Variants in ZFX observed in about 807,000 individuals in gnomAD.
ZFX encodes zinc finger X-chromosomal protein.
For synonymous variants in ZFX, 196 were observed against 226.8 expected (o/e 0.86, Z 1.22); for missense variants, 362 against 628.3 (o/e 0.58, Z 4.53).
chrX:24,197,970 C>T (rs1937031137), intron 5 of ZFX, among the ~76,000 whole-genome samples: 1 of 111,594 alleles, frequency 9.0e-6, no homozygotes, highest in African/African-American at 3.3e-5. Context: ...GGTATTGAAT[C>T]TAGCAGATGA....
At chrX:24,183,270 C>T (rs979809541) in intron 5 of ZFX, among the ~76,000 whole-genome samples, 1 of 111,771 alleles carries the variant, frequency 8.9e-6, no homozygotes, top group African/African-American at 3.3e-5. Context: ...CTGCAACCTC[C>T]GCCTCCCGGG....
rs66467960 is a variant in ZFX at position 24,163,364 on chromosome X, G to GTTTTTTTTTTTTTTTTTTTTTT, written c.-28-9341_-28-9320dup. Among the ~76,000 whole-genome samples, 5 of 19,049 alleles carry GTTTTTTTTTTTTTTTTTTTTTT rather than the reference G, an allele frequency of 2.6e-4. 1 individual carries two copies. Among genetic ancestry groups the GTTTTTTTTTTTTTTTTTTTTTT allele is most frequent in the East Asian group, 1.8e-3 (1 of 542 alleles). The allele number at this position is 19,049 out of a possible 115,157, so 16.5% of individuals were successfully genotyped here. ...AATTTGGTTAAATTATTTTTGTTAG[G>GTTTTTTTTTTTTTTTTTTTTTT]TTTTTTTTTTTTTTTTTTTTTTTTT... On this transcript the variant is annotated intron_variant, in intron 3 of 9. Coordinates refer to ENST00000304543, the MANE Select transcript of ZFX (RefSeq NM_003410.4).
At chrX:24,183,224 G>T (rs1373710650) in intron 5 of ZFX, among the ~76,000 whole-genome samples, 2 of 111,793 alleles carry the variant, frequency 1.8e-5, no homozygotes, top group African/African-American at 3.3e-5. Context: ...TCACTCTGTT[G>T]CCCAGGCTGG....
intron 3 of ZFX, among the ~76,000 whole-genome samples, chrX:24,163,832 AAAAAAAAG>A (rs1320805250): frequency 1.9e-4 from 10 of 53,308 alleles, no homozygotes; most frequent in South Asian, 2.4e-3. Flanking sequence ...CCCCTCTTTT[AAAAAAAAG>A]AAAAAAAAAA....
At chrX:24,163,612 A>T (rs1389007856) in intron 3 of ZFX, among the ~76,000 whole-genome samples, 1 of 106,363 alleles carries the variant, frequency 9.4e-6, no homozygotes, top group Admixed American at 1.0e-4. Context: ...TCCTGACCTC[A>T]GGTGATCCAC....
intron 5 of ZFX, among the ~76,000 whole-genome samples, chrX:24,193,254 C>CA (rs913671318): frequency 8.9e-6 from 1 of 112,206 alleles, no homozygotes; most frequent in Non-Finnish European, 1.9e-5. Context: ...ATCATTCAGT[C>CA]ATAAAAAGGA....
chrX:24,162,735 A>C (rs1165844048), intron 3 of ZFX, among the ~76,000 whole-genome samples: 1 of 111,727 alleles, frequency 9.0e-6, no homozygotes, highest in Non-Finnish European at 1.9e-5. Context: ...TACCCTTTAA[A>C]ATGTACATTT....
intron 5 of ZFX, among the ~76,000 whole-genome samples, chrX:24,199,452 C>T (rs749356142): frequency 6.4e-4 from 70 of 109,722 alleles, no homozygotes; most frequent in South Asian, 6.0e-3. Flanking sequence ...ATAAGGGTCT[C>T]GCTGTGTTGC....
rs146275695 is a variant in ZFX, at chrX:24,165,713, C to A, written c.-28-7002C>A. Among the ~76,000 whole-genome samples, 1,067 of 112,449 alleles carry A rather than the reference C, an allele frequency of 9.5e-3. 16 individuals carry two copies. The highest frequency in any genetic ancestry group is 0.032 in the African/African-American group (984 of 30,949). On this transcript the variant is annotated intron_variant, in intron 3 of 9. Transcript: ENST00000304543. ...ATGTAGTCTAAATCTCCACTTGATA[C>A]CATGTCAGAATCCTGTCTTCATCCT...
intron 5 of ZFX, among the ~76,000 whole-genome samples, chrX:24,201,721 A>C (rs940301935): frequency 8.9e-6 from 1 of 112,581 alleles, no homozygotes; most frequent in African/African-American, 3.2e-5. Context: ...GTATATCATA[A>C]AAATAGCTTT....
chrX:24,186,646 AAAC>A (rs1225398481), intron 5 of ZFX, among the ~76,000 whole-genome samples: 1 of 110,952 alleles, frequency 9.0e-6, no homozygotes, highest in African/African-American at 3.3e-5. Context: ...AAAAACCAAA[AAAC>A]CACACAAAAC....
chrX:24,191,724 A>T (rs1271983479), intron 5 of ZFX, among the ~76,000 whole-genome samples: 3 of 106,496 alleles, frequency 2.8e-5, no homozygotes, highest in Admixed American at 2.0e-4. Context: ...TCCGAGATGG[A>T]GTCTTGTTCT....
chrX:24,206,500 CGTGTGTGTGTGTGTGTGTGTGT>C (rs774457469), intron 5 of ZFX, among the ~76,000 whole-genome samples: 5 of 59,607 alleles, frequency 8.4e-5, no homozygotes, highest in Non-Finnish European at 9.0e-5. Flanking sequence ...CCATGCCTGG[CGTGTGTGTGTGTGTGTGTGTGT>C]GTGTGTGTGT....
chrX:24,168,807 A>AACT (rs755688619), intron 3 of ZFX, among the ~76,000 whole-genome samples: 9 of 109,318 alleles, frequency 8.2e-5, no homozygotes, highest in Admixed American at 2.0e-4. Flanking sequence ...AGGTGTTAGT[A>AACT]GAGTCCCAGA....
chrX:24,209,733 G>T (rs5990037), intron 9 of ZFX, among the ~76,000 whole-genome samples: 8,545 of 110,122 alleles, frequency 0.078, 288 homozygotes, highest in Middle Eastern at 0.14. Context: ...GTGCCACTGT[G>T]CCCCACTAAT....
At chrX:24,200,470 G>A (rs762715498) in intron 5 of ZFX, among the ~76,000 whole-genome samples, 14 of 112,019 alleles carry the variant, frequency 1.2e-4, no homozygotes, top group Admixed American at 1.9e-4. Flanking sequence ...TAGGGAAAGG[G>A]AATTGAGATC....
At chrX:24,189,247 ACTT>A (rs1936372087) in intron 5 of ZFX, among the ~76,000 whole-genome samples, 1 of 111,189 alleles carries the variant, frequency 9.0e-6, no homozygotes, top group Admixed American at 9.5e-5. Context: ...TTTGCAGCTC[ACTT>A]CTTGGTTTCC....
chrX:24,162,107 A>C (rs759297909), intron 3 of ZFX, among the ~76,000 whole-genome samples: 6 of 110,419 alleles, frequency 5.4e-5, no homozygotes, highest in Non-Finnish European at 9.5e-5. Context: ...ACATGCCTGT[A>C]GTCCCAGCTA....
intron 3 of ZFX, among the ~76,000 whole-genome samples, chrX:24,169,563 T>A (rs1328056481): frequency 2.1e-5 from 2 of 95,281 alleles, no homozygotes; most frequent in African/African-American, 8.0e-5. Flanking sequence ...TCAGGAAATA[T>A]GAAGCTGAGT....
Sources: gnomAD v4.1 joint callset for allele counts (sites outside exome capture counted in the v4.1 genomes callset) on GRCh38, gnomAD v4.1.1 for gene constraint, MANE v1.5 for transcripts, NCBI Gene and HGNC (gene_info 2026-07-23, HGNC 2026-07-21) for gene names.